The following TIAM1 variants were observed in gnomAD, a reference collection of about 807,000 sequenced individuals.
TIAM1 encodes TIAM Rac1 associated GEF 1, also known as rho guanine nucleotide exchange factor TIAM1.
Under a neutral mutation model 163.5 loss-of-function variants are expected in TIAM1, and 65 were observed. That is an observed-to-expected ratio of 0.40 (90% CI 0.33 to 0.49). The LOEUF (loss-of-function observed/expected upper bound fraction) is 0.49. TIAM1 is among the 20% of genes least tolerant of loss of function. TIAM1 has a pLI of 0.77. For missense variants in TIAM1, 1,789 were observed against 2,044.7 expected, an observed-to-expected ratio of 0.87 and a Z score of 2.41; for synonymous variants, 833 against 810.1, an observed-to-expected ratio of 1.03 and a Z score of -0.48.
intron 2 of TIAM1, among the ~76,000 whole-genome samples, chr21:31,428,030 A>G (rs1372060574): frequency 6.6e-6 from 1 of 151,628 alleles, no homozygotes; most frequent in East Asian, 1.9e-4. Context: ...GGGAGGCCGA[A>G]GCGGGTGGAT....
intron 20 of TIAM1, among the ~76,000 whole-genome samples, chr21:31,143,828 G>A (rs1206781414): frequency 5.3e-5 from 8 of 151,720 alleles, no homozygotes; most frequent in Admixed American, 5.3e-4. Flanking sequence ...CCGAGTTCAA[G>A]CAATTGTCCT....
At chr21:31,214,333 C>CA (rs2087054361) in intron 9 of TIAM1, among the ~76,000 whole-genome samples, 1 of 149,822 alleles carries the variant, frequency 6.7e-6, no homozygotes, top group Non-Finnish European at 1.5e-5. Flanking sequence ...TCAAAAAAAA[C>CA]AAAAAAATAA....
At chr21:31,322,448 T>TGGGGGG (rs386394590) in intron 2 of TIAM1, among the ~76,000 whole-genome samples, 6 of 136,518 alleles carry the variant, frequency 4.4e-5, no homozygotes, top group Non-Finnish European at 7.9e-5. Context: ...CCTCTATGGG[T>TGGGGGG]GGGGGGGGGT....
intron 2 of TIAM1, among the ~76,000 whole-genome samples, chr21:31,456,100 G>A (rs543569546): frequency 6.6e-6 from 1 of 152,346 alleles, no homozygotes; most frequent in Non-Finnish European, 1.5e-5. Flanking sequence ...ACATCAATAT[G>A]TCACTACACT....
chr21:31,551,270 T>TG (rs1380994403), intron 1 of TIAM1, among the ~76,000 whole-genome samples: 1 of 150,660 alleles, frequency 6.6e-6, no homozygotes, highest in African/African-American at 2.4e-5. Context: ...CGGCTGGACG[T>TG]GGTGGCTCAC....
intron 2 of TIAM1, among the ~76,000 whole-genome samples, chr21:31,445,826 T>C (rs1347990213): frequency 1.2e-4 from 18 of 152,174 alleles, no homozygotes; most frequent in Non-Finnish European, 1.5e-5. Flanking sequence ...GGAGAGACGC[T>C]AAAGGAGAGA....
intron 1 of TIAM1, among the ~76,000 whole-genome samples, chr21:31,503,553 G>A (rs538357749): frequency 8.8e-6 from 1 of 113,086 alleles, no homozygotes; most frequent in African/African-American, 3.4e-5. Context: ...GGAAGGAAGG[G>A]AGGGAAGGAG....
At chr21:31,319,779 CAAA>C (rs34265205) in intron 2 of TIAM1, among the ~76,000 whole-genome samples, 70 of 101,316 alleles carry the variant, frequency 6.9e-4, no homozygotes, top group Middle Eastern at 5.2e-3. Flanking sequence ...GACTCTATCT[CAAA>C]AAAAAAAAAA....
intron 16 of TIAM1, among the ~76,000 whole-genome samples, chr21:31,163,509 T>A (rs1244887122): frequency 1.3e-5 from 2 of 152,210 alleles, no homozygotes; most frequent in Non-Finnish European, 2.9e-5. Context: ...AATATTAAAT[T>A]TTATATTGTG....
At chr21:31,422,851 T>C (rs1375608037) in intron 2 of TIAM1, among the ~76,000 whole-genome samples, 2 of 152,192 alleles carry the variant, frequency 1.3e-5, no homozygotes, top group Non-Finnish European at 2.9e-5. Flanking sequence ...TAAGCATCAT[T>C]GCTCCGTAAA....
chr21:31,251,686 A>T, intron 5 of TIAM1, 56 bp downstream of exon 5: 1 of 1,503,422 alleles, frequency 6.7e-7, no homozygotes, highest in South Asian at 1.3e-5. Flanking sequence ...GTATGTGCAC[A>T]ACGGGGCACC....
chr21:31,305,359 A>G (rs1340341739), intron 2 of TIAM1, among the ~76,000 whole-genome samples: 1 of 152,118 alleles, frequency 6.6e-6, no homozygotes, highest in African/African-American at 2.4e-5. Flanking sequence ...CTCAGGACTC[A>G]GCAGCAAGGG....
At position 31,210,586 on chromosome 21, in the gene TIAM1, GAAAGAA is replaced by G. The variant is rs778041396; in HGVS notation, c.2218-377_2218-372del. Reference sequence around the variant, plus strand: ...AGAAAGAAAGAAAGAAAGAAAGAAAGAAAGAAAGAGAGAAAGAAGGAAGGAAGGGAG... The same window carrying G: ...AGAAAGAAAGAAAGAAAGAAAGAAAGAGAGAGAAAGAAGGAAGGAAGGGAG... On this transcript the variant is annotated intron_variant, in intron 10 of 27. Transcript: ENST00000541036. Among the ~76,000 whole-genome samples, 678 of 116,748 alleles carry G rather than the reference GAAAGAA, an allele frequency of 5.8e-3. 32 individuals carry two copies. The highest frequency in any genetic ancestry group is 0.043 in the East Asian group (156 of 3,596). 76.6% of individuals were successfully genotyped at this position (116,748 alleles called of 152,430 possible). A position where few individuals can be genotyped will look rare whatever the true frequency, so the allele number is the denominator to read the frequency against.
At chr21:31,466,972 C>CAA (rs528948975) in intron 1 of TIAM1, among the ~76,000 whole-genome samples, 37 of 88,848 alleles carry the variant, frequency 4.2e-4, no homozygotes, top group African/African-American at 8.2e-4. Context: ...TAAAATAGGC[C>CAA]AAAAAAAAAA....
chr21:31,251,640 A>G (rs2146746642), intron 5 of TIAM1, 102 bp downstream of exon 5: 8 of 1,224,572 alleles, frequency 6.5e-6, no homozygotes, highest in Non-Finnish European at 9.2e-6. Flanking sequence ...CAAATTCTGT[A>G]TAACAACAAC....
chr21:31,138,931 G>A (rs78597819), intron 22 of TIAM1, among the ~76,000 whole-genome samples: 15,986 of 152,128 alleles, frequency 0.11, 984 homozygotes, highest in Non-Finnish European at 0.15. Flanking sequence ...GCACCTCCTG[G>A]TAAAAGTAGG....
At chr21:31,238,459 C>T (rs532421100) in intron 6 of TIAM1, among the ~76,000 whole-genome samples, 15 of 152,246 alleles carry the variant, frequency 9.9e-5, no homozygotes, top group African/African-American at 3.6e-4. Flanking sequence ...AAAAGTTTAC[C>T]TCATGTGATC....
At chr21:31,421,068 G>A (rs555668992) in intron 2 of TIAM1, among the ~76,000 whole-genome samples, 2 of 151,322 alleles carry the variant, frequency 1.3e-5, no homozygotes, top group South Asian at 4.2e-4. Flanking sequence ...GTTGCAGTGA[G>A]TGCAGTGAGC....
intron 1 of TIAM1, among the ~76,000 whole-genome samples, chr21:31,525,765 G>A (rs1457058397): frequency 2.0e-5 from 3 of 152,062 alleles, no homozygotes; most frequent in African/African-American, 7.2e-5. Context: ...CAGGCACGGG[G>A]GCTCATGTCT....
Sources: gnomAD v4.1 joint callset for allele counts (sites outside exome capture counted in the v4.1 genomes callset) on GRCh38, gnomAD v4.1.1 for gene constraint, MANE v1.5 for transcripts, NCBI Gene and HGNC (gene_info 2026-07-23, HGNC 2026-07-21) for gene names.